WDR70: variants seen among roughly 807,000 people sequenced by gnomAD.
The protein encoded by WDR70 is WD repeat domain 70.
A neutral mutation model predicts 88.6 loss-of-function variants in WDR70; 53 were observed. That is an observed-to-expected ratio of 0.60 (90% CI 0.48 to 0.75). The LOEUF (loss-of-function observed/expected upper bound fraction) is 0.75, where lower values mean the gene tolerates loss of function less well. Among genes scored for constraint, WDR70 ranks in the 30% least tolerant of loss-of-function variants. WDR70 has a pLI of 0.00. For missense variants in WDR70, 610 were observed against 823.2 expected (o/e 0.74, Z 3.17); for synonymous variants, 280 against 270.0 (o/e 1.04, Z -0.36).
intron 7 of WDR70, among the ~76,000 whole-genome samples, chr5:37,477,196 C>T (rs74826289): frequency 0.04 from 6,103 of 152,226 alleles, 440 homozygotes; most frequent in African/African-American, 0.14. Flanking sequence ...TATTAGGGAT[C>T]ATTTTCTTTC....
chr5:37,681,572 A>T (rs1561068213), intron 10 of WDR70, among the ~76,000 whole-genome samples: 1 of 152,180 alleles, frequency 6.6e-6, no homozygotes, highest in Non-Finnish European at 1.5e-5. Context: ...GGTTTGTCAT[A>T]GATGGCTCTT....
At chr5:37,468,401 A>T (rs1418661109) in intron 7 of WDR70, among the ~76,000 whole-genome samples, 2 of 152,186 alleles carry the variant, frequency 1.3e-5, no homozygotes, top group African/African-American at 4.8e-5. Context: ...GATTATATAT[A>T]TTCCTACCAC....
intron 7 of WDR70, among the ~76,000 whole-genome samples, chr5:37,462,325 CAG>C (rs1015694447): frequency 6.6e-6 from 1 of 151,992 alleles, no homozygotes; most frequent in African/African-American, 2.4e-5. Flanking sequence ...TTTTTTGAGA[CAG>C]AGTCTCGCTC....
At chr5:37,729,122 A>T (rs1205631948) in intron 17 of WDR70, among the ~76,000 whole-genome samples, 1 of 152,104 alleles carries the variant, frequency 6.6e-6, no homozygotes, top group African/African-American at 2.4e-5. Flanking sequence ...AAGCGCCTAT[A>T]TATTTTTTTA....
intron 9 of WDR70, 151 bp downstream of exon 9, chr5:37,516,741 A>G (rs1470369904): frequency 6.1e-6 from 1 of 164,466 alleles, no homozygotes. Context: ...TTTTTTTTTA[A>G]GGGGGAGTCT....
At chr5:37,479,326 G>T (rs1326523006) in intron 7 of WDR70, 1 of 151,406 alleles carries the variant, frequency 6.6e-6, no homozygotes, top group Non-Finnish European at 1.5e-5. Flanking sequence ...GGAAGAGAGA[G>T]CTACCAGAAT....
At chr5:37,426,324 G>A (rs1429240969) in intron 5 of WDR70, among the ~76,000 whole-genome samples, 1 of 152,214 alleles carries the variant, frequency 6.6e-6, no homozygotes, top group Non-Finnish European at 1.5e-5. Flanking sequence ...CAGTAATTCA[G>A]ATTATATGAG....
chr5:37,539,758 A>G (rs1581378288), intron 9 of WDR70, among the ~76,000 whole-genome samples: 1 of 152,222 alleles, frequency 6.6e-6, no homozygotes, highest in African/African-American at 2.4e-5. Flanking sequence ...GAGTCTGCCT[A>G]CTGCTGAGAG....
intron 9 of WDR70, among the ~76,000 whole-genome samples, chr5:37,550,863 G>A (rs1394057708): frequency 1.3e-5 from 2 of 152,004 alleles, no homozygotes; most frequent in African/African-American, 4.8e-5. Flanking sequence ...GATTGATTTA[G>A]CTTTTTATTT....
At chr5:37,580,595 T>C (rs1743189846) in intron 9 of WDR70, among the ~76,000 whole-genome samples, 1 of 152,232 alleles carries the variant, frequency 6.6e-6, no homozygotes, top group Non-Finnish European at 1.5e-5. Flanking sequence ...ACTTCATCAC[T>C]CTTCATGTTA....
chr5:37,582,677 TA>T (rs2112428773), intron 9 of WDR70, among the ~76,000 whole-genome samples: 1 of 152,376 alleles, frequency 6.6e-6, no homozygotes, highest in East Asian at 1.9e-4. Flanking sequence ...ATAACATGTG[TA>T]AAGCCCTTAA....
At chr5:37,561,374 A>G (rs1742498483) in intron 9 of WDR70, among the ~76,000 whole-genome samples, 1 of 152,228 alleles carries the variant, frequency 6.6e-6, no homozygotes, top group Non-Finnish European at 1.5e-5. Flanking sequence ...ATATTTTTGA[A>G]TTCTTTTAGA....
chr5:37,594,609 A>G (rs567839683), intron 9 of WDR70, among the ~76,000 whole-genome samples: 3 of 152,190 alleles, frequency 2.0e-5, no homozygotes, highest in African/African-American at 7.2e-5. Context: ...TTTGCTTAGG[A>G]TTGTGTTGGC....
intron 9 of WDR70, among the ~76,000 whole-genome samples, chr5:37,544,154 G>A (rs1246647383): frequency 1.3e-5 from 2 of 152,160 alleles, no homozygotes; most frequent in African/African-American, 4.8e-5. Flanking sequence ...TGAGAGCCCA[G>A]TGGTCAGGGA....
chr5:37,555,312 A>T (rs1311355024), intron 9 of WDR70, among the ~76,000 whole-genome samples: 1 of 152,222 alleles, frequency 6.6e-6, no homozygotes, highest in Non-Finnish European at 1.5e-5. Context: ...ATTCTATCTT[A>T]TCCCCACTTC....
rs140746684 is a variant in WDR70 at position 37,691,185 on chromosome 5, C to T, written c.1093-6470C>T. Among the ~76,000 whole-genome samples, 80 of 152,312 alleles carry T rather than the reference C, an allele frequency of 5.3e-4. 1 individual carries two copies. The highest frequency in any genetic ancestry group is 4.1e-3 in the Admixed American group (62 of 15,304). ...AGAGCTAACTATCCTAAATTATATGCACCCAATACAGGAGCACCCAGATTC... is the reference window on the plus strand; with the variant it reads ...AGAGCTAACTATCCTAAATTATATGTACCCAATACAGGAGCACCCAGATTC... On this transcript the variant is annotated intron_variant, in intron 10 of 17. Coordinates refer to ENST00000265107, the MANE Select transcript of WDR70 (RefSeq NM_018034.4).
chr5:37,674,729 A>G (rs370280071), intron 10 of WDR70, among the ~76,000 whole-genome samples: 2 of 151,650 alleles, frequency 1.3e-5, no homozygotes, highest in Admixed American at 6.6e-5. Flanking sequence ...ATGATTTATA[A>G]TCCTTTGGGT....
At chr5:37,703,706 G>A (rs1230572408) in intron 13 of WDR70, among the ~76,000 whole-genome samples, 1 of 152,194 alleles carries the variant, frequency 6.6e-6, no homozygotes, top group African/African-American at 2.4e-5. Context: ...CTGAGACTGA[G>A]ACTGGAGCCA....
intron 2 of WDR70, among the ~76,000 whole-genome samples, chr5:37,380,837 C>T (rs759993556): frequency 5.3e-5 from 8 of 151,986 alleles, no homozygotes; most frequent in Admixed American, 2.0e-4. Context: ...TTGGTAGAGA[C>T]GAGGTTTCAC....
Sources: gnomAD v4.1 joint callset for allele counts (sites outside exome capture counted in the v4.1 genomes callset) on GRCh38, gnomAD v4.1.1 for gene constraint, MANE v1.5 for transcripts, NCBI Gene and HGNC (gene_info 2026-07-23, HGNC 2026-07-21) for gene names.